TCF3: variants seen among roughly 807,000 people sequenced by gnomAD.
TCF3 encodes transcription factor 3.
A neutral mutation model predicts 72.3 loss-of-function variants in TCF3; 54 were observed. That is an observed-to-expected ratio of 0.75 (90% CI 0.60 to 0.94). TCF3 has a LOEUF of 0.94. TCF3 is among the 40% of genes least tolerant of loss of function. The pLI, the probability that TCF3 is intolerant of heterozygous loss-of-function variation, is 0.00. For missense variants in TCF3, 1,078 were observed against 934.4 expected (o/e 1.15, Z -2.00); for synonymous variants, 525 against 412.6 (o/e 1.27, Z -3.30).
In TCF3 at chr19:1,615,421, G is replaced by T; in HGVS notation, c.1686C>A (p.Val562=). Residue 562 remains valine, a synonymous_variant, in exon 18 of 19, where the codon GTC becomes GTA. Transcript: ENST00000262965. The surrounding 1 kb of genome is among the most constrained non-coding windows in gnomAD (Gnocchi z 7.3). ...VANNARERLR[V]RDINEAFKEL... is the part of the protein sequence containing the mutation. ...CCTTAAAGGCCTCGTTGATGTCACG[G>T]ACCCGCAGCCGCTCCCGGGCGTTAT... The T allele has an allele frequency of 6.2e-7, 1 of 1,613,914 alleles. No homozygotes were observed. Among genetic ancestry groups the T allele is most frequent in the South Asian group, 1.1e-5 (1 of 91,088 alleles).
chr19:1,621,701 G>A (rs1599605170), intron 11 of TCF3, 137 bp downstream of exon 11: 6 of 1,190,686 alleles, frequency 5.0e-6, no homozygotes, highest in African/African-American at 1.5e-5. Flanking sequence ...AGCGGACAAT[G>A]AGAACTGACA....
At chr19:1,638,024 T>C (rs1378726268) in intron 3 of TCF3, among the ~76,000 whole-genome samples, 2 of 152,238 alleles carry the variant, frequency 1.3e-5, no homozygotes, top group East Asian at 1.9e-4. Flanking sequence ...GTCTTAAGCC[T>C]GTAAGCCCCA....
rs1043270366 is a variant in TCF3, at chr19:1,614,216, G to A, written c.1822+1069C>T. On this transcript the variant is annotated intron_variant, in intron 18 of 18. Transcript: ENST00000262965. This position sits in a 1 kb window ranked among gnomAD's most constrained non-coding sequence, Gnocchi z 5.6. Reference sequence around the variant, plus strand: ...CCTCACCCACTTGCCTGCCCACCCTGCCTTAGGGGCCTGAGGGGATCCCTC... The same window carrying A: ...CCTCACCCACTTGCCTGCCCACCCTACCTTAGGGGCCTGAGGGGATCCCTC... Among the ~76,000 whole-genome samples the A allele has an allele frequency of 8.5e-5, 13 of 152,212 alleles. No homozygotes were observed. The highest frequency in any genetic ancestry group is 1.6e-4 in the Non-Finnish European group (11 of 68,020).
In TCF3 at chr19:1,632,369, C is replaced by G; in HGVS notation, c.182G>C (p.Ser61Thr). 1 of 1,596,340 alleles carries G rather than the reference C, an allele frequency of 6.3e-7. No individual in the cohort carries two copies. Among genetic ancestry groups the G allele is most frequent in the Non-Finnish European group, 8.5e-7 (1 of 1,171,982 alleles). ...AAAGGAGGAGCTGCTCTGGTCGCCGCTGCCCCAGGAGCCTGAGCTGGGCCG... is the reference window on the plus strand; with the variant it reads ...AAAGGAGGAGCTGCTCTGGTCGCCGGTGCCCCAGGAGCCTGAGCTGGGCCG... ...EDRPSSGSWG[S>T]GDQSSSSFDP... Residue 61 changes from serine (S) to threonine (T), a missense_variant, in exon 4 of 19, where the codon AGC becomes ACC. Coordinates refer to ENST00000262965, the MANE Select transcript of TCF3 (RefSeq NM_003200.5).
chr19:1,627,210 AG>A, intron 6 of TCF3, 148 bp downstream of exon 6: 1 of 66,594 alleles, frequency 1.5e-5, no homozygotes, highest in South Asian at 1.7e-4. Flanking sequence ...ACACCCACCC[AG>A]CCCACCCTGG....
intron 2 of TCF3, among the ~76,000 whole-genome samples, chr19:1,649,748 C>T (rs2066704274): frequency 6.6e-6 from 1 of 152,078 alleles, no homozygotes; most frequent in Admixed American, 6.5e-5. Flanking sequence ...GAAACAGGGT[C>T]TCCAGGGTCT....
chr19:1,623,394 T>C (rs2062491769), intron 8 of TCF3, among the ~76,000 whole-genome samples: 1 of 150,222 alleles, frequency 6.7e-6, no homozygotes, highest in South Asian at 2.1e-4. Flanking sequence ...TTTTTTTTTT[T>C]TTTTTTTGAG....
chr19:1,639,363 T>C (rs192543497), intron 3 of TCF3, among the ~76,000 whole-genome samples: 8 of 152,246 alleles, frequency 5.3e-5, no homozygotes, highest in African/African-American at 1.9e-4. Flanking sequence ...ATTTTTTTGT[T>C]GTTGACAATG....
rs1332519301 is a variant in TCF3 at position 1,609,843 on chromosome 19, CT to C, written c.*1863del. On this transcript the variant is annotated 3_prime_UTR_variant, in exon 19 of 19. Coordinates refer to ENST00000262965, the MANE Select transcript of TCF3 (RefSeq NM_003200.5). The stretch of plus-strand genomic sequence containing the variant: ...GGGGAGTCAGGCAGTCCAGGATCTC[CT>C]GGGGGTAACGGTGGGAGTCTCAGGA... 1.3e-5 allele frequency: 3 copies of C among 232,056 alleles called. No homozygotes were observed. Among genetic ancestry groups the C allele is most frequent in the Non-Finnish European group, 2.6e-5 (3 of 117,412 alleles). 14.4% of individuals were successfully genotyped at this position (232,056 alleles called of 1,614,324 possible). A position where few individuals can be genotyped will look rare whatever the true frequency, so the allele number is the denominator to read the frequency against.
chr19:1,646,211 C>G, intron 3 of TCF3, 144 bp downstream of exon 3: 2 of 889,100 alleles, frequency 2.2e-6, no homozygotes, highest in South Asian at 3.6e-5. Context: ...GGTCTTCAGG[C>G]TCGCTGCCCC....
chr19:1,647,151 G>A (rs1051587987), intron 2 of TCF3, among the ~76,000 whole-genome samples: 1 of 152,174 alleles, frequency 6.6e-6, no homozygotes, highest in African/African-American at 2.4e-5. Flanking sequence ...GTGTGGGACT[G>A]CCACCCTCCC....
Position 1,615,670 on chromosome 19 carries a change from A to C in TCF3, c.1586+16T>G. On this transcript the variant is annotated intron_variant, in intron 17 of 18. Coordinates refer to ENST00000262965, the MANE Select transcript of TCF3 (RefSeq NM_003200.5). The surrounding 1 kb of genome is among the most constrained non-coding windows in gnomAD (Gnocchi z 7.3). ...GATGGGGTGAGGGTGGGGAGTGCCG[A>C]GGGGTGGGTTGGCACCTGGTCCGGG... 3.6e-6 allele frequency: 4 copies of C among 1,096,326 alleles called. No homozygotes were observed. Among genetic ancestry groups the C allele is most frequent in the Non-Finnish European group, 3.8e-6 (3 of 779,734 alleles). 67.9% of individuals were successfully genotyped at this position (1,096,326 alleles called of 1,614,324 possible).
At position 1,614,529 on chromosome 19, in the gene TCF3, C is replaced by G. The variant is rs544153110; in HGVS notation, c.1822+756G>C. Among the ~76,000 whole-genome samples the G allele has an allele frequency of 6.6e-6, 1 of 152,224 alleles. No homozygotes were observed. Among genetic ancestry groups the G allele is most frequent in the Non-Finnish European group, 1.5e-5 (1 of 67,986 alleles). ...CTTGGGGGGCGCGAGGCGTGCCACA[C>G]ACGGCTGCAGAGACTCGGAAACCTT... On this transcript the variant is annotated intron_variant, in intron 18 of 18. Coordinates refer to ENST00000262965, the MANE Select transcript of TCF3 (RefSeq NM_003200.5). The surrounding 1 kb of genome is among the most constrained non-coding windows in gnomAD (Gnocchi z 5.6).
At chr19:1,612,181 G>A (rs1487589822) in intron 18 of TCF3, 3 of 1,551,730 alleles carry the variant, frequency 1.9e-6, no homozygotes, top group South Asian at 1.2e-5. Flanking sequence ...AGAGGGTGCT[G>A]GGGCAGCCCT....
chr19:1,627,491 G>A (rs2063035518), intron 5 of TCF3, 65 bp from the exon 6 acceptor site: 11 of 1,476,312 alleles, frequency 7.5e-6, no homozygotes, highest in South Asian at 2.3e-5. Flanking sequence ...GCCCCCGAGT[G>A]CCTGCCATGT....
At chr19:1,639,825 G>A (rs1410127069) in intron 3 of TCF3, among the ~76,000 whole-genome samples, 2 of 151,510 alleles carry the variant, frequency 1.3e-5, no homozygotes, top group African/African-American at 2.4e-5. Flanking sequence ...AAACCAATGG[G>A]ATGGGGTTCA....
chr19:1,632,323 G>C lies in TCF3; in HGVS notation c.219+9C>G. 2 of 1,579,492 alleles carry C rather than the reference G, an allele frequency of 1.3e-6. No individual in the cohort carries two copies. Among genetic ancestry groups the C allele is most frequent in the South Asian group, 2.3e-5 (2 of 86,154 alleles). On this transcript the variant is annotated intron_variant, in intron 4 of 18. Transcript: ENST00000262965. ...AACTCAGGGTCTCAGGCCTCACGGG[G>C]ACTCCTACCCGGCTGGGGTCAAAGG... is the stretch of plus-strand genomic sequence containing the variant.
At chr19:1,622,031 CT>C (rs1568373707) in intron 10 of TCF3, 22 bp downstream of exon 10, 1 of 1,595,640 alleles carries the variant, frequency 6.3e-7, no homozygotes, top group East Asian at 2.3e-5. Context: ...CGCCCACCCC[CT>C]GCCCCCTGCC....
chr19:1,627,287 G>A (rs1318890136), intron 6 of TCF3, 72 bp downstream of exon 6: 49 of 1,301,914 alleles, frequency 3.8e-5, no homozygotes, highest in Non-Finnish European at 4.2e-5. Flanking sequence ...GAGAGCTTCT[G>A]CAGATCAGAG....
Sources: gnomAD v4.1 joint callset for allele counts (sites outside exome capture counted in the v4.1 genomes callset) on GRCh38, gnomAD v4.1.1 for gene constraint, Gnocchi (gnomAD v3.1) non-coding constraint, MANE v1.5 for transcripts, NCBI Gene and HGNC (gene_info 2026-07-23, HGNC 2026-07-21) for gene names.